Variants in MAP3K19 observed in about 807,000 individuals in gnomAD.
MAP3K19 encodes mitogen-activated protein kinase kinase kinase 19, also known as SPS1/STE20-related protein kinase YSK4.
A neutral mutation model predicts 114.4 loss-of-function variants in MAP3K19; 91 were observed. That is an observed-to-expected ratio of 0.80 (90% confidence interval 0.67 to 0.95). The LOEUF (loss-of-function observed/expected upper bound fraction) is 0.95. Ranked by LOEUF, MAP3K19 falls within the 40% of genes least tolerant of loss-of-function variation. The pLI, the probability that MAP3K19 is intolerant of heterozygous loss-of-function variation, is 0.00. For synonymous variants in MAP3K19, 518 were observed against 530.5 expected (o/e 0.98, Z 0.32); for missense variants, 1,471 against 1,573.2 (o/e 0.94, Z 1.10).
chr2:134,973,319 T>C (rs1190719386), intron 12 of MAP3K19, among the ~76,000 whole-genome samples: 1 of 152,200 alleles, frequency 6.6e-6, no homozygotes, highest in East Asian at 1.9e-4. Flanking sequence ...TGGTGCAGGG[T>C]GCATCAGAAC....
intron 3 of MAP3K19, among the ~76,000 whole-genome samples, chr2:135,028,336 G>C (rs1379640959): frequency 2.6e-5 from 4 of 151,952 alleles, no homozygotes; most frequent in Admixed American, 6.6e-5. Context: ...CATGTGGATT[G>C]CTTGAGCCCA....
chr2:134,984,679 G>A (rs556357959), intron 10 of MAP3K19, among the ~76,000 whole-genome samples: 2 of 152,282 alleles, frequency 1.3e-5, no homozygotes, highest in Admixed American at 6.5e-5. Flanking sequence ...CTGGCTGGGC[G>A]CCGTGGCTCA....
intron 5 of MAP3K19, among the ~76,000 whole-genome samples, chr2:135,011,467 G>A (rs560398922): frequency 6.6e-6 from 1 of 151,582 alleles, no homozygotes; most frequent in South Asian, 2.1e-4. Flanking sequence ...AACCCGGGAG[G>A]CGGAGCTTGC....
At chr2:135,023,100 C>A (rs1688090690) in intron 4 of MAP3K19, 1 of 176,232 alleles carries the variant, frequency 5.7e-6, no homozygotes, top group African/African-American at 2.4e-5. Flanking sequence ...CAAAATTGAA[C>A]AAGTGATCTA....
chr2:135,031,657 A>G (rs1412918606), intron 2 of MAP3K19, among the ~76,000 whole-genome samples: 1 of 152,200 alleles, frequency 6.6e-6, no homozygotes, highest in Admixed American at 6.5e-5. Context: ...GATGTGGGGA[A>G]GAAGGGAAGT....
intron 6 of MAP3K19, among the ~76,000 whole-genome samples, chr2:135,000,400 T>C (rs2105296152): frequency 6.6e-6 from 1 of 152,336 alleles, no homozygotes; most frequent in South Asian, 2.1e-4. Flanking sequence ...GTATTTGTAA[T>C]TTTGGTCATC....
At chr2:135,023,807 G>T (rs1007673237) in intron 4 of MAP3K19, among the ~76,000 whole-genome samples, 9 of 151,958 alleles carry the variant, frequency 5.9e-5, no homozygotes, top group Admixed American at 5.9e-4. Context: ...TTTTCCCTCA[G>T]ATGTAGCCAA....
chr2:134,964,855 G>T lies in MAP3K19; in HGVS notation c.3982C>A (p.His1328Asn). ...LLKHSFLERS[H>N] ...AAGAAAGTCTTGATGTATATTCAGT[G>T]ACTTCTCTCCAAGAAGGAGTGCTTC... Residue 1328 changes from histidine (H) to asparagine (N), a missense_variant, in exon 13 of 13, where the codon CAC becomes AAC. His to Asn is a moderately conservative substitution (Grantham distance 68, BLOSUM62 1). Coordinates refer to ENST00000392915, the MANE Select transcript of MAP3K19 (RefSeq NM_025052.5). 1.2e-6 allele frequency: 2 copies of T among 1,612,620 alleles called. No individual in the cohort carries two copies. The highest frequency in any genetic ancestry group is 2.2e-5 in the South Asian group (2 of 90,838).
rs749753939 is a variant in MAP3K19, at chr2:134,988,007, T to C, written c.865A>G (p.Met289Val). The C allele has an allele frequency of 2.0e-5, 33 of 1,614,070 alleles. No homozygotes were observed. Among genetic ancestry groups the C allele is most frequent in the Non-Finnish European group, 2.3e-5 (27 of 1,180,048 alleles). The change falls in exon 10 of 13, where the codon ATG (methionine) becomes GTG (valine). Residue 289 changes from methionine to valine, a missense_variant. Transcript: ENST00000392915. Reference protein sequence around the residue: ...SSDGFIWSRNMCSFPKTNHHR... With the variant: ...SSDGFIWSRNVCSFPKTNHHR... ...TGGTTAGTCTTAGGAAAAGAGCACATGTTTCTTGACCAAATGAAGCCATCA... is the reference window on the plus strand; with the variant it reads ...TGGTTAGTCTTAGGAAAAGAGCACACGTTTCTTGACCAAATGAAGCCATCA...
intron 1 of MAP3K19, among the ~76,000 whole-genome samples, chr2:135,040,740 T>G (rs1480367137): frequency 1.3e-5 from 2 of 152,206 alleles, no homozygotes; most frequent in Non-Finnish European, 2.9e-5. Context: ...TGGTTCTTTG[T>G]GTACATGCTG....
At chr2:134,995,688 G>A (rs115310028) in intron 8 of MAP3K19, among the ~76,000 whole-genome samples, 1,569 of 152,184 alleles carry the variant, frequency 0.01, 28 homozygotes, top group African/African-American at 0.036. Context: ...TAAAAGGAGA[G>A]GAAATGTAAT....
In MAP3K19 at chr2:134,964,829, G is replaced by A. The variant is rs1305624616; in HGVS notation, c.*21C>T. 1 of 1,596,940 alleles carries A rather than the reference G, an allele frequency of 6.3e-7. No homozygotes were observed. The highest frequency in any genetic ancestry group is 1.7e-5 in the Admixed American group (1 of 59,798). ...AAGGGAGCATCTGCAGTGGAACTGG[G>A]AAGAAAGTCTTGATGTATATTCAGT... On this transcript the variant is annotated 3_prime_UTR_variant, in exon 13 of 13. Coordinates refer to ENST00000392915, the MANE Select transcript of MAP3K19 (RefSeq NM_025052.5).
At position 135,044,562 on chromosome 2, in the gene MAP3K19, C is replaced by G. The variant is rs543342212; in HGVS notation, c.-424+2623G>C. Among the ~76,000 whole-genome samples the G allele has an allele frequency of 2.6e-5, 4 of 152,302 alleles. No individual in the cohort carries two copies. In the East Asian group the frequency reaches 7.7e-4, roughly 29 times the overall value. On this transcript the variant is annotated intron_variant, in intron 1 of 12. Coordinates refer to ENST00000392915, the MANE Select transcript of MAP3K19 (RefSeq NM_025052.5). The stretch of plus-strand genomic sequence containing the variant: ...CTGAGATTGCACCATTGCACTCCAG[C>G]CTGGGCAACAAGAGTGAAACTCCAT...
rs368406495 is a variant in MAP3K19 at position 134,986,785 on chromosome 2, C to A, written c.2087G>T (p.Arg696Leu). Residue 696 changes from arginine to leucine, a missense_variant, in exon 10 of 13, where the codon CGT (arginine) becomes CTT (leucine). By Grantham distance (102) the Arg-to-Leu change is moderately radical. Transcript: ENST00000392915. ...REICSAPSGR[R>L]ITNKCRSSHS... ...TGAAGATCGACATTTATTGGTGATA[C>A]GTCTGCCTGATGGAGCCGAACATAT... The A allele has an allele frequency of 6.2e-7, 1 of 1,614,110 alleles. No homozygotes were observed. The highest frequency in any genetic ancestry group is 1.1e-5 in the South Asian group (1 of 91,068).
At chr2:135,029,157 G>C (rs1558742857) in intron 3 of MAP3K19, among the ~76,000 whole-genome samples, 1 of 152,174 alleles carries the variant, frequency 6.6e-6, no homozygotes, top group Non-Finnish European at 1.5e-5. Context: ...CAGATCACAA[G>C]GTCAGGAGAT....
At chr2:135,025,377 C>CTTTTTT (rs754598942) in intron 3 of MAP3K19, among the ~76,000 whole-genome samples, 36 of 69,536 alleles carry the variant, frequency 5.2e-4, no homozygotes, top group South Asian at 9.5e-4. Context: ...CTTTTCTTTT[C>CTTTTTT]TTTTTTTTTT....
chr2:134,988,088 T>C lies in MAP3K19; in HGVS notation c.784A>G (p.Asn262Asp), dbSNP rs548601706. Reference sequence around the variant, plus strand: ...TTAACTAGGGCTCCCGGAGGCTCGTTTGATGGGCTGAGCTCATCAGATTGA... The same window carrying C: ...TTAACTAGGGCTCCCGGAGGCTCGTCTGATGGGCTGAGCTCATCAGATTGA... ...VRQSDELSPS[N>D]EPPGALVKSL... Residue 262 changes from asparagine to aspartate, a missense_variant, in exon 10 of 13, where the codon AAC becomes GAC. By Grantham distance (23) the Asn-to-Asp change is conservative. Transcript: ENST00000392915. 10 of 1,613,964 alleles carry C rather than the reference T, an allele frequency of 6.2e-6. No individual in the cohort carries two copies. In the East Asian group the frequency reaches 1.1e-4, roughly 18 times the overall value.
rs1685086125 is a variant in MAP3K19, at chr2:134,986,162, T to G, written c.2710A>C (p.Thr904Pro). 3 of 1,613,814 alleles carry G rather than the reference T, an allele frequency of 1.9e-6. No homozygotes were observed. The change falls in exon 10 of 13, where the codon ACA (threonine) becomes CCA (proline). Residue 904 changes from threonine (T) to proline (P), a missense_variant. Thr to Pro is a conservative substitution (Grantham distance 38). Coordinates refer to ENST00000392915, the MANE Select transcript of MAP3K19 (RefSeq NM_025052.5). ...DSVSDHSKTL[T>P]NFSFQAKQES... is the part of the protein sequence containing the mutation. The stretch of plus-strand genomic sequence containing the variant: ...TGTTTTGCTTGGAAAGAGAAATTTG[T>G]AAGTGTTTTAGAGTGATCTGAAACA...
intron 5 of MAP3K19, among the ~76,000 whole-genome samples, 190 bp from the exon 6 acceptor site, chr2:135,005,721 T>C (rs1220699675): frequency 6.6e-6 from 1 of 152,236 alleles, no homozygotes. Flanking sequence ...CAGTCATGGT[T>C]GTGATTAATT....
Sources: allele counts gnomAD v4.1 joint callset (sites outside exome capture counted in the v4.1 genomes callset), GRCh38; gene constraint gnomAD v4.1.1; transcripts MANE v1.5; gene names NCBI Gene and HGNC (gene_info 2026-07-23, HGNC 2026-07-21).